Variants in NTRK2 observed in about 807,000 individuals in gnomAD.
NTRK2 encodes neurotrophic receptor tyrosine kinase 2.
In NTRK2, 13 loss-of-function variants were observed where a neutral mutation model predicts 94.5. That is an observed-to-expected ratio of 0.14 (90% CI 0.09 to 0.22). NTRK2 has a LOEUF of 0.22. Ranked by LOEUF, NTRK2 falls within the 10% of genes least tolerant of loss-of-function variation. NTRK2 has a pLI of 1.00. For missense variants in NTRK2, 639 were observed against 1,071.2 expected (o/e 0.60, Z 5.63); for synonymous variants, 372 against 407.4 (o/e 0.91, Z 1.05).
rs1185089207 is a variant in NTRK2 at position 84,724,265 on chromosome 9, C to T, written c.762C>T (p.Asn254=). Residue 254 remains asparagine (N), a synonymous_variant, in exon 8 of 19, where the codon AAC becomes AAT. Transcript: ENST00000277120. ...SHTQGSLRIT[N]ISSDDSGKQI... ...CACAGGGCTCCTTAAGGATAACTAA[C>T]ATTTCATCCGATGACAGTGGGAAGC... The T allele has an allele frequency of 2.5e-6, 4 of 1,613,952 alleles. No individual in the cohort carries two copies. In the African/African-American group the frequency reaches 4.0e-5, roughly 16 times the overall value.
At chr9:84,780,318 G>A (rs1192317784) in intron 12 of NTRK2, among the ~76,000 whole-genome samples, 14 of 152,156 alleles carry the variant, frequency 9.2e-5, no homozygotes, top group Admixed American at 9.2e-4. Flanking sequence ...TTGAGTAGCT[G>A]TGACAGAGAC....
intron 17 of NTRK2, among the ~76,000 whole-genome samples, chr9:84,998,827 T>C (rs1391323028): frequency 6.6e-6 from 1 of 152,212 alleles, no homozygotes; most frequent in African/African-American, 2.4e-5. Flanking sequence ...TGATACAGTG[T>C]CACCCATGAC....
chr9:84,871,836 A>G, intron 14 of NTRK2: 1 of 1,613,622 alleles, frequency 6.2e-7, no homozygotes, highest in Non-Finnish European at 8.5e-7. Context: ...TGGTATTTGG[A>G]GGCTCCTGTG....
At chr9:84,830,872 C>T (rs1357628836) in intron 12 of NTRK2, among the ~76,000 whole-genome samples, 1 of 152,040 alleles carries the variant, frequency 6.6e-6, no homozygotes, top group East Asian at 1.9e-4. Context: ...AATCCTGCCA[C>T]CCAGAAATAT....
At chr9:84,974,393 T>C (rs538957784) in intron 17 of NTRK2, among the ~76,000 whole-genome samples, 4 of 152,208 alleles carry the variant, frequency 2.6e-5, no homozygotes, top group Non-Finnish European at 5.9e-5. Context: ...CTTGGTGGTG[T>C]GCAAAGTAAG....
intron 2 of NTRK2, among the ~76,000 whole-genome samples, chr9:84,672,927 T>C (rs979733703): frequency 6.6e-6 from 1 of 152,224 alleles, no homozygotes; most frequent in Non-Finnish European, 1.5e-5. Context: ...TACAAAAGCA[T>C]GTGTCATAGT....
At chr9:85,001,398 G>T (rs940754109) in intron 17 of NTRK2, among the ~76,000 whole-genome samples, 1 of 152,174 alleles carries the variant, frequency 6.6e-6, no homozygotes, top group Non-Finnish European at 1.5e-5. Context: ...ATGGGCAAGC[G>T]ATCTCTGCCA....
At chr9:84,722,336 A>C (rs764098087) in intron 6 of NTRK2, among the ~76,000 whole-genome samples, 1 of 152,058 alleles carries the variant, frequency 6.6e-6, no homozygotes, top group Admixed American at 6.6e-5. Flanking sequence ...AGACTGTACA[A>C]ATCTTATTCC....
chr9:84,892,701 A>G (rs1225932615), intron 14 of NTRK2, among the ~76,000 whole-genome samples: 1 of 152,198 alleles, frequency 6.6e-6, no homozygotes, highest in Non-Finnish European at 1.5e-5. Context: ...CAGGTGGAAC[A>G]CCTGAGGTCC....
At chr9:84,842,222 C>G (rs954050536) in intron 12 of NTRK2, among the ~76,000 whole-genome samples, 1 of 152,136 alleles carries the variant, frequency 6.6e-6, no homozygotes. Flanking sequence ...CTCCGTTCCT[C>G]GTGAAGAGGC....
intron 6 of NTRK2, among the ~76,000 whole-genome samples, chr9:84,712,336 A>G (rs899236604): frequency 6.6e-6 from 1 of 152,204 alleles, no homozygotes; most frequent in African/African-American, 2.4e-5. Flanking sequence ...GGGGACGTGT[A>G]GGGAGTGAAC....
chr9:84,777,638 G>A (rs932537523), intron 12 of NTRK2, among the ~76,000 whole-genome samples: 2 of 152,084 alleles, frequency 1.3e-5, no homozygotes, highest in Non-Finnish European at 2.9e-5. Context: ...GTGGGGTTGG[G>A]GTCCTAATTT....
chr9:84,672,228 G>A (rs1409093929), intron 2 of NTRK2, among the ~76,000 whole-genome samples: 1 of 152,174 alleles, frequency 6.6e-6, no homozygotes, highest in African/African-American at 2.4e-5. Context: ...TGCTTATGGT[G>A]TAAGCCTCAG....
intron 2 of NTRK2, among the ~76,000 whole-genome samples, chr9:84,692,410 T>C (rs1271042493): frequency 6.6e-6 from 1 of 152,018 alleles, no homozygotes; most frequent in African/African-American, 2.4e-5. Flanking sequence ...AATTTTTAAT[T>C]GTAGTTTCTG....
chr9:85,006,587 C>T (rs1830988879), intron 17 of NTRK2, among the ~76,000 whole-genome samples: 1 of 152,170 alleles, frequency 6.6e-6, no homozygotes, highest in African/African-American at 2.4e-5. Flanking sequence ...GGCTATACTA[C>T]AGGAGGAGCA....
chr9:84,695,750 A>T (rs987319614), intron 2 of NTRK2, among the ~76,000 whole-genome samples: 1 of 152,190 alleles, frequency 6.6e-6, no homozygotes, highest in African/African-American at 2.4e-5. Context: ...ATTTAAATAT[A>T]TATAAACAAA....
intron 12 of NTRK2, among the ~76,000 whole-genome samples, chr9:84,823,546 T>C (rs1239554053): frequency 6.6e-6 from 1 of 152,252 alleles, no homozygotes; most frequent in Non-Finnish European, 1.5e-5. Context: ...CATAGGTTCC[T>C]GATTCAAATG....
chr9:84,920,265 C>T (rs964366183), intron 14 of NTRK2, among the ~76,000 whole-genome samples: 1 of 152,250 alleles, frequency 6.6e-6, no homozygotes, highest in South Asian at 2.1e-4. Context: ...GGTTGGGGGA[C>T]CCTAGATCAG....
chr9:84,824,549 A>C (rs953756992), intron 12 of NTRK2, among the ~76,000 whole-genome samples: 3 of 152,238 alleles, frequency 2.0e-5, no homozygotes, highest in African/African-American at 7.2e-5. Context: ...AACAGGAGCA[A>C]GAAAGGGGCT....
Sources: allele counts gnomAD v4.1 joint callset (sites outside exome capture counted in the v4.1 genomes callset), GRCh38; gene constraint gnomAD v4.1.1; transcripts MANE v1.5; gene names NCBI Gene and HGNC (gene_info 2026-07-23, HGNC 2026-07-21).